The following DPP6 variants were observed in gnomAD, a reference collection of about 807,000 sequenced individuals.
The protein encoded by DPP6 is dipeptidyl peptidase like 6, also known as A-type potassium channel modulatory protein DPP6.
DPP6 carries 69 observed loss-of-function variants against 122.6 expected under a neutral mutation model. That is an observed-to-expected ratio of 0.56 (90% CI 0.46 to 0.69). The LOEUF (loss-of-function observed/expected upper bound fraction) is 0.69, where lower values mean the gene tolerates loss of function less well. Ranked by LOEUF, DPP6 falls within the 30% of genes least tolerant of loss-of-function variation. The pLI, the probability that DPP6 is intolerant of heterozygous loss-of-function variation, is 0.00. For missense variants in DPP6, 928 were observed against 1,116.9 expected (o/e 0.83, Z 2.41); for synonymous variants, 418 against 433.1 (o/e 0.97, Z 0.43).
chr7:154,526,757 T>C (rs1827437526), intron 3 of DPP6, among the ~76,000 whole-genome samples: 1 of 152,192 alleles, frequency 6.6e-6, no homozygotes, highest in Non-Finnish European at 1.5e-5. Flanking sequence ...ACACACCTTA[T>C]TGCTTAAGAG....
At chr7:153,983,841 C>A (rs899061215) in intron 1 of DPP6, among the ~76,000 whole-genome samples, 1 of 151,982 alleles carries the variant, frequency 6.6e-6, no homozygotes, top group Admixed American at 6.6e-5. Flanking sequence ...AGGTGATGCC[C>A]CACCCTGCTT....
chr7:154,599,409 C>T (rs1016687889), intron 5 of DPP6, among the ~76,000 whole-genome samples: 1 of 152,048 alleles, frequency 6.6e-6, no homozygotes, highest in African/African-American at 2.4e-5. Context: ...GAAAACGTGG[C>T]TCAGGTGACG....
chr7:154,586,024 G>A (rs1362949673), intron 5 of DPP6, among the ~76,000 whole-genome samples: 5 of 152,096 alleles, frequency 3.3e-5, no homozygotes, highest in African/African-American at 1.2e-4. Context: ...GGCACAGTGA[G>A]GGCAGGAGAG....
At chr7:154,113,412 T>TATATATATATATATATATACAC (rs1472172445) in intron 1 of DPP6, among the ~76,000 whole-genome samples, 19 of 141,628 alleles carry the variant, frequency 1.3e-4, no homozygotes, top group African/African-American at 4.4e-4. Context: ...TATATATATA[T>TATATATATATATATATATACAC]ACACACACAC....
chr7:154,124,640 A>T (rs1807743050), intron 1 of DPP6, among the ~76,000 whole-genome samples: 1 of 152,264 alleles, frequency 6.6e-6, no homozygotes, highest in African/African-American at 2.4e-5. Context: ...GATGGATTTG[A>T]CTTGCAAACA....
chr7:154,041,066 C>T (rs1234207695), intron 1 of DPP6, among the ~76,000 whole-genome samples: 1 of 152,134 alleles, frequency 6.6e-6, no homozygotes, highest in East Asian at 1.9e-4. Context: ...CATTATTTCT[C>T]TTTTCCCCTC....
intron 1 of DPP6, among the ~76,000 whole-genome samples, chr7:154,242,990 C>T (rs1046810133): frequency 6.6e-6 from 1 of 152,112 alleles, no homozygotes; most frequent in African/African-American, 2.4e-5. Context: ...GTTGAAACCT[C>T]AGAAAGTCCA....
intron 1 of DPP6, among the ~76,000 whole-genome samples, chr7:154,334,566 A>C (rs1809233844): frequency 6.6e-6 from 1 of 152,186 alleles, no homozygotes; most frequent in South Asian, 2.1e-4. Context: ...CCTGGTGGCG[A>C]TCACTCTCGA....
chr7:153,975,474 C>T (rs1281602462), intron 1 of DPP6, among the ~76,000 whole-genome samples: 1 of 151,236 alleles, frequency 6.6e-6, no homozygotes, highest in African/African-American at 2.4e-5. Flanking sequence ...AGTTTCACAG[C>T]AAGTCTCCTT....
chr7:153,989,339 G>A (rs1356374755), intron 1 of DPP6, among the ~76,000 whole-genome samples: 1 of 150,998 alleles, frequency 6.6e-6, no homozygotes, highest in East Asian at 2.0e-4. Flanking sequence ...GTGTGAGTGT[G>A]CAAGTGTGTG....
At chr7:153,907,839 G>A (rs923685489) in intron 1 of DPP6, among the ~76,000 whole-genome samples, 4 of 152,190 alleles carry the variant, frequency 2.6e-5, no homozygotes, top group African/African-American at 4.8e-5. Context: ...TTCTATATAC[G>A]TATGTGTACG....
At chr7:153,978,974 C>T (rs1465961252) in intron 1 of DPP6, among the ~76,000 whole-genome samples, 2 of 151,988 alleles carry the variant, frequency 1.3e-5, no homozygotes, top group African/African-American at 2.4e-5. Flanking sequence ...AGTCAGGTAC[C>T]ATGATGCCTC....
At chr7:154,078,837 AAAAC>A (rs1424431611) in intron 1 of DPP6, among the ~76,000 whole-genome samples, 4 of 152,056 alleles carry the variant, frequency 2.6e-5, no homozygotes, top group Admixed American at 1.3e-4. Context: ...AATGATTTAT[AAAAC>A]AAACCCTATT....
intron 1 of DPP6, among the ~76,000 whole-genome samples, chr7:154,015,117 G>A (rs1028598225): frequency 2.6e-5 from 4 of 151,962 alleles, no homozygotes; most frequent in Non-Finnish European, 5.9e-5. Flanking sequence ...GGAAATCTAG[G>A]GGTTTGTGGA....
At chr7:154,404,932 A>T (rs6957504) in intron 1 of DPP6, among the ~76,000 whole-genome samples, 8,301 of 152,300 alleles carry the variant, frequency 0.055, 703 homozygotes, top group African/African-American at 0.19. Context: ...TAAAAATAGA[A>T]AAAGACATCC....
chr7:153,881,654 T>G, the DPP6 span, among the ~76,000 whole-genome samples: 1 of 152,132 alleles, frequency 6.6e-6, no homozygotes, highest in South Asian at 2.1e-4. Context: ...CCTGTTTTTG[T>G]AGGACACGGC....
chr7:154,579,773 G>A (rs887377868), intron 5 of DPP6, among the ~76,000 whole-genome samples: 1 of 152,146 alleles, frequency 6.6e-6, no homozygotes, highest in Non-Finnish European at 1.5e-5. Context: ...AGGTAATTAC[G>A]TGTCATTCCC....
intron 1 of DPP6, among the ~76,000 whole-genome samples, chr7:153,976,595 A>G (rs922226763): frequency 5.9e-5 from 9 of 152,232 alleles, no homozygotes. Flanking sequence ...ATACTGAGAA[A>G]TAGTGTTATA....
the DPP6 span, among the ~76,000 whole-genome samples, chr7:153,865,652 T>A: frequency 5.9e-5 from 9 of 152,246 alleles, no homozygotes; most frequent in Non-Finnish European, 1.0e-4. Flanking sequence ...GTGTATTTTT[T>A]AAATTTTATT....
Sources: gnomAD v4.1 joint callset for allele counts (sites outside exome capture counted in the v4.1 genomes callset) on GRCh38, gnomAD v4.1.1 for gene constraint, MANE v1.5 for transcripts, NCBI Gene and HGNC (gene_info 2026-07-23, HGNC 2026-07-21) for gene names.